SH2D4B: variants seen among roughly 807,000 people sequenced by gnomAD.
The protein encoded by SH2D4B is SH2 domain containing 4B, also known as SH2 domain-containing protein 4B.
Under a neutral mutation model 61.5 loss-of-function variants are expected in SH2D4B, and 45 were observed. That is an observed-to-expected ratio of 0.73 (90% CI 0.58 to 0.94). The LOEUF (loss-of-function observed/expected upper bound fraction) is 0.94, where lower values mean the gene tolerates loss of function less well. Among genes scored for constraint, SH2D4B ranks in the 40% least tolerant of loss-of-function variants. The pLI, the probability that SH2D4B is intolerant of heterozygous loss-of-function variation, is 0.00. For synonymous variants in SH2D4B, 224 were observed against 220.4 expected (o/e 1.02, Z -0.14); for missense variants, 572 against 574.2 (o/e 1.00, Z 0.04).
chr10:80,559,927 T>A (rs1033819977), intron 1 of SH2D4B, among the ~76,000 whole-genome samples: 47 of 151,912 alleles, frequency 3.1e-4, no homozygotes, highest in Admixed American at 5.3e-4. Context: ...AAAAGAGCTG[T>A]AACTATGTTG....
At chr10:80,548,213 G>A (rs1841707311) in intron 1 of SH2D4B, among the ~76,000 whole-genome samples, 1 of 152,164 alleles carries the variant, frequency 6.6e-6, no homozygotes, top group African/African-American at 2.4e-5. Context: ...CGCCCAGGCT[G>A]GAGTGCACTG....
At chr10:80,616,190 C>T (rs1245179338) in intron 6 of SH2D4B, among the ~76,000 whole-genome samples, 5 of 152,110 alleles carry the variant, frequency 3.3e-5, no homozygotes, top group East Asian at 1.9e-4. Context: ...TTAGGGGTAA[C>T]GCAGGGGCCA....
At chr10:80,560,279 G>C (rs955668450) in intron 1 of SH2D4B, among the ~76,000 whole-genome samples, 4 of 151,880 alleles carry the variant, frequency 2.6e-5, no homozygotes, top group Non-Finnish European at 5.9e-5. Context: ...GAGCCACCGT[G>C]CCCGGCTGCA....
chr10:80,600,861 A>G (rs543216137), intron 4 of SH2D4B, among the ~76,000 whole-genome samples: 40 of 152,098 alleles, frequency 2.6e-4, no homozygotes, highest in Non-Finnish European at 5.7e-4. Flanking sequence ...AGGGGCTGTA[A>G]TCTTCCAAAA....
At chr10:80,576,630 A>G (rs889672911) in intron 3 of SH2D4B, among the ~76,000 whole-genome samples, 8 of 152,232 alleles carry the variant, frequency 5.3e-5, no homozygotes, top group Non-Finnish European at 1.0e-4. Flanking sequence ...TTTCTGTGGT[A>G]GGTTAAATGG....
chr10:80,631,353 AT>A (rs1842832003), intron 6 of SH2D4B, among the ~76,000 whole-genome samples: 1 of 152,144 alleles, frequency 6.6e-6, no homozygotes, highest in Non-Finnish European at 1.5e-5. Context: ...GGCTCATGTG[AT>A]TCTCTCACCT....
chr10:80,577,428 C>CTTT (rs1842138400), intron 3 of SH2D4B, among the ~76,000 whole-genome samples: 1 of 141,176 alleles, frequency 7.1e-6, no homozygotes, highest in Non-Finnish European at 1.5e-5. Context: ...ACTGAATTTT[C>CTTT]TGTTTTTTTT....
intron 6 of SH2D4B, among the ~76,000 whole-genome samples, chr10:80,629,109 C>T (rs183852157): frequency 1.3e-5 from 2 of 152,172 alleles, no homozygotes; most frequent in Non-Finnish European, 2.9e-5. Flanking sequence ...TTAATAGACT[C>T]CCAGTTCTAT....
chr10:80,545,864 A>T (rs551706417), intron 1 of SH2D4B, among the ~76,000 whole-genome samples: 2 of 152,194 alleles, frequency 1.3e-5, no homozygotes, highest in South Asian at 4.1e-4. Context: ...CACTAAAAGT[A>T]TAGAAATCAG....
chr10:80,629,057 A>G (rs1035125946), intron 6 of SH2D4B, among the ~76,000 whole-genome samples: 7 of 151,914 alleles, frequency 4.6e-5, no homozygotes, highest in Non-Finnish European at 8.8e-5. Context: ...AGAAAAAGAA[A>G]TACCCAAGAC....
At chr10:80,592,585 A>G (rs1842341653) in intron 4 of SH2D4B, among the ~76,000 whole-genome samples, 1 of 152,150 alleles carries the variant, frequency 6.6e-6, no homozygotes, top group African/African-American at 2.4e-5. Flanking sequence ...TCTTTTTCAT[A>G]TGGCCATCCA....
chr10:80,572,505 A>G (rs72805716), intron 3 of SH2D4B, among the ~76,000 whole-genome samples: 2,522 of 152,208 alleles, frequency 0.017, 28 homozygotes, highest in Non-Finnish European at 0.026. Context: ...TGCAGTTGTC[A>G]ATATACTCAT....
rs975891523 is a variant in SH2D4B, at chr10:80,603,627, G to A, written c.692G>A (p.Arg231His). Residue 231 changes from arginine to histidine, a missense_variant, in exon 5 of 8, where the codon CGC becomes CAC. By Grantham distance (29) the Arg-to-His change is conservative. Transcript: ENST00000646907. ...ADEERSRRAQRARDEYRHHSL... is the reference protein window; with the variant it reads ...ADEERSRRAQHARDEYRHHSL... ...GAGGAGAGGAGCCGCCGAGCCCAGC[G>A]CGCCCGGGACGAGTACCGACACCAC... 5 of 1,590,306 alleles carry A rather than the reference G, an allele frequency of 3.1e-6. No individual in the cohort carries two copies. The highest frequency in any genetic ancestry group is 2.3e-5 in the East Asian group (1 of 43,844).
At chr10:80,571,913 C>T (rs1332608044) in intron 3 of SH2D4B, among the ~76,000 whole-genome samples, 1 of 151,886 alleles carries the variant, frequency 6.6e-6, no homozygotes, top group Non-Finnish European at 1.5e-5. Context: ...GCTGGGACTA[C>T]AGGTGCCCAC....
At chr10:80,571,066 TG>T (rs1205009302) in intron 2 of SH2D4B, among the ~76,000 whole-genome samples, 3 of 151,868 alleles carry the variant, frequency 2.0e-5, no homozygotes, top group African/African-American at 7.3e-5. Flanking sequence ...GTAGAGACGG[TG>T]TCACACTATG....
intron 1 of SH2D4B, among the ~76,000 whole-genome samples, chr10:80,556,095 A>C (rs1458121607): frequency 1.3e-5 from 2 of 152,108 alleles, no homozygotes; most frequent in African/African-American, 4.8e-5. Context: ...CTTGACAGCT[A>C]CAATGTGGAC....
In SH2D4B at chr10:80,538,486, A is replaced by G; in HGVS notation, c.155A>G (p.Glu52Gly). The G allele has an allele frequency of 6.9e-7, 1 of 1,440,424 alleles. No homozygotes were observed. Among genetic ancestry groups the G allele is most frequent in the Non-Finnish European group, 9.1e-7 (1 of 1,095,962 alleles). The allele number at this position is 1,440,424 out of a possible 1,614,324, so 89.2% of individuals were successfully genotyped here. ...ACTTGGGAGGCCCTGGCCCAGGACG[A>G]GGGTCTCAGGCCTCCAAAGACCAAG... ...RETWEALAQD[E>G]GLRPPKTKRA... The change falls in exon 1 of 8, where the codon GAG (glutamate) becomes GGG (glycine). Residue 52 changes from glutamate to glycine, a missense_variant. Glu to Gly is a moderately conservative substitution (Grantham distance 98). Transcript: ENST00000646907. The surrounding 1 kb of genome is among the most constrained non-coding windows in gnomAD (Gnocchi z 4.8).
chr10:80,617,415 G>A (rs1335323539), intron 6 of SH2D4B, among the ~76,000 whole-genome samples: 1 of 152,186 alleles, frequency 6.6e-6, no homozygotes, highest in Non-Finnish European at 1.5e-5. Flanking sequence ...ATGCAATTAG[G>A]GTAAAACAGG....
chr10:80,640,166 C>A (rs1190669536), intron 7 of SH2D4B, among the ~76,000 whole-genome samples: 3 of 152,236 alleles, frequency 2.0e-5, no homozygotes, highest in African/African-American at 4.8e-5. Flanking sequence ...AGCTGTTAGT[C>A]TGATGGGCTT....
Sources: allele counts gnomAD v4.1 joint callset (sites outside exome capture counted in the v4.1 genomes callset), GRCh38; gene constraint gnomAD v4.1.1; non-coding constraint Gnocchi (gnomAD v3.1); transcripts MANE v1.5; gene names NCBI Gene and HGNC (gene_info 2026-07-23, HGNC 2026-07-21).